PZP: variants seen among roughly 807,000 people sequenced by gnomAD.
The protein encoded by PZP is PZP alpha-2-macroglobulin like.
In PZP, 150 loss-of-function variants were observed where a neutral mutation model predicts 179.8. The ratio of observed to expected loss-of-function variants is 0.83; its 90% CI spans 0.73 to 0.96. The LOEUF (loss-of-function observed/expected upper bound fraction) is 0.96, where lower values mean the gene tolerates loss of function less well. Ranked by LOEUF, PZP falls within the 40% of genes least tolerant of loss-of-function variation. The pLI is 0.00. For missense variants in PZP, 1,689 were observed against 1,764.0 expected, an observed-to-expected ratio of 0.96 and a Z score of 0.76; for synonymous variants, 624 against 652.3, an observed-to-expected ratio of 0.96 and a Z score of 0.66.
chr12:9,149,608 A>C lies in PZP; in HGVS notation c.4385-6T>G. On this transcript the variant is annotated splice_polypyrimidine_tract_variant and splice_region_variant and intron_variant, in intron 34 of 35. Transcript: ENST00000261336. The stretch of plus-strand genomic sequence containing the variant: ...CTCAGCAACCACAGACTCATCTGAA[A>C]GATAACGTTGGGTGAAGGAAGAAAC... 1 of 1,612,814 alleles carries C rather than the reference A, an allele frequency of 6.2e-7. No individual in the cohort carries two copies. The highest frequency in any genetic ancestry group is 1.7e-5 in the Admixed American group (1 of 59,928).
chr12:9,201,207 G>T, intron 5 of PZP, 120 bp downstream of exon 5: 1 of 1,324,848 alleles, frequency 7.5e-7, no homozygotes, highest in Non-Finnish European at 1.1e-6. Context: ...TGACAACTGG[G>T]AGTAGGAGGA....
At chr12:9,165,708 C>A (rs1369761770) in intron 18 of PZP, among the ~76,000 whole-genome samples, 1 of 152,316 alleles carries the variant, frequency 6.6e-6, no homozygotes, top group South Asian at 2.1e-4. Context: ...AACAATTAGA[C>A]CACTGGATTA....
Position 9,164,397 on chromosome 12 carries a change from G to C in PZP, c.2488-138C>G, listed in dbSNP as rs1389541308. On this transcript the variant is annotated intron_variant, in intron 19 of 35. Coordinates refer to ENST00000261336, the MANE Select transcript of PZP (RefSeq NM_002864.3). ...ATGTATGTCACATAGATTCATCCATGCTTTAAGAAGCATGGCAATGGCAAT... is the reference window on the plus strand; with the variant it reads ...ATGTATGTCACATAGATTCATCCATCCTTTAAGAAGCATGGCAATGGCAAT... 3 of 915,694 alleles carry C rather than the reference G, an allele frequency of 3.3e-6. No individual in the cohort carries two copies. The Admixed American group carries it at 8.2e-5, about 25-fold the overall frequency. The allele number at this position is 915,694 out of a possible 1,614,324, so 56.7% of individuals were successfully genotyped here. A position where few individuals can be genotyped will look rare whatever the true frequency, so the allele number is the denominator to read the frequency against.
chr12:9,167,983 C>T (rs1320481469), intron 17 of PZP, among the ~76,000 whole-genome samples: 1 of 152,136 alleles, frequency 6.6e-6, no homozygotes, highest in Non-Finnish European at 1.5e-5. Context: ...TGAAGGTATA[C>T]TTAAACAGTC....
At chr12:9,167,144 G>A (rs1292841453) in intron 17 of PZP, 3 of 152,064 alleles carry the variant, frequency 2.0e-5, no homozygotes, top group Non-Finnish European at 4.4e-5. Context: ...TGTCTTCTCT[G>A]TCTTCACTCT....
chr12:9,141,615 T>C, the PZP span, among the ~76,000 whole-genome samples: 4 of 152,252 alleles, frequency 2.6e-5, no homozygotes, highest in African/African-American at 4.8e-5. Context: ...GCTTAAACCT[T>C]CATTTTTATT....
chr12:9,182,893 A>G (rs2120985430), intron 13 of PZP, among the ~76,000 whole-genome samples: 1 of 152,292 alleles, frequency 6.6e-6, no homozygotes, highest in South Asian at 2.1e-4. Context: ...ACTCTCTGGT[A>G]TTATTTCCAT....
intron 10 of PZP, among the ~76,000 whole-genome samples, chr12:9,194,723 G>C (rs749200182): frequency 2.9e-4 from 44 of 152,114 alleles, no homozygotes; most frequent in African/African-American, 7.0e-4. Context: ...CTCGGCCTCC[G>C]AAAGTGCTGG....
At chr12:9,182,679 C>T (rs1167564403) in intron 13 of PZP, among the ~76,000 whole-genome samples, 1 of 152,188 alleles carries the variant, frequency 6.6e-6, no homozygotes, top group Non-Finnish European at 1.5e-5. Flanking sequence ...CCAGATAACA[C>T]TTCAGAAAAT....
chr12:9,200,122 A>T (rs1203512050), intron 7 of PZP, among the ~76,000 whole-genome samples: 1 of 152,214 alleles, frequency 6.6e-6, no homozygotes, highest in Non-Finnish European at 1.5e-5. Context: ...TTATCCTAAG[A>T]TGTTAAAGCA....
At chr12:9,186,943 C>T (rs1592528484) in intron 13 of PZP, among the ~76,000 whole-genome samples, 1 of 151,570 alleles carries the variant, frequency 6.6e-6, no homozygotes, top group African/African-American at 2.4e-5. Flanking sequence ...GGCACATGTA[C>T]ACCTATGTAA....
intron 6 of PZP, among the ~76,000 whole-genome samples, chr12:9,200,667 GT>G (rs1298898163): frequency 6.6e-6 from 1 of 152,142 alleles, no homozygotes; most frequent in African/African-American, 2.4e-5. Flanking sequence ...AATGATGGTG[GT>G]TTCACTGAAA....
At chr12:9,164,772 T>G (rs1941467707) in intron 19 of PZP, among the ~76,000 whole-genome samples, 1 of 152,180 alleles carries the variant, frequency 6.6e-6, no homozygotes, top group South Asian at 2.1e-4. Flanking sequence ...AAATTAAAAT[T>G]ATATATTTTG....
intron 13 of PZP, among the ~76,000 whole-genome samples, chr12:9,182,383 T>C (rs1942825317): frequency 1.3e-5 from 2 of 151,158 alleles, no homozygotes; most frequent in Admixed American, 1.3e-4. Flanking sequence ...AACTGTTGCC[T>C]AAATCAATTA....
Position 9,181,007 on chromosome 12 carries a change from A to G in PZP, c.1815T>C (p.Pro605=). The G allele has an allele frequency of 3.7e-6, 6 of 1,613,866 alleles. No individual in the cohort carries two copies. Among genetic ancestry groups the G allele is most frequent in the Non-Finnish European group, 5.1e-6 (6 of 1,179,880 alleles). Residue 605 remains proline (P), a synonymous_variant, in exon 15 of 36, where the codon CCT becomes CCC. Transcript: ENST00000261336. Reference sequence around the variant, plus strand: ...CTGAGGACACAGAGAGCTCAGCCTCAGGCTTCATGAGCAGCACACTTTGGT... The same window carrying G: ...CTGAGGACACAGAGAGCTCAGCCTCGGGCTTCATGAGCAGCACACTTTGGT... The part of the protein sequence containing the change: ...AVDQSVLLMK[P]EAELSVSSVY...
chr12:9,196,417 C>T lies in PZP; in HGVS notation c.1005G>A (p.Arg335=). The T allele has an allele frequency of 2.5e-6, 4 of 1,612,910 alleles. No individual in the cohort carries two copies. The highest frequency in any genetic ancestry group is 2.5e-6 in the Non-Finnish European group (3 of 1,178,974). ...EGTDLEVTAN[R]ISEITNIVSK... is the part of the protein sequence containing the mutation. ...ATACAATGTTTGTGATTTCACTGAT[C>T]CTGTTTGCAGTGACTTCCAGGTCTG... The change falls in exon 10 of 36, where the codon AGG becomes AGA. Residue 335 remains arginine, a synonymous_variant. Coordinates refer to ENST00000261336, the MANE Select transcript of PZP (RefSeq NM_002864.3).
At chr12:9,186,603 C>A (rs11049321) in intron 13 of PZP, among the ~76,000 whole-genome samples, 85,122 of 151,536 alleles carry the variant, frequency 0.56, 23,902 homozygotes, top group Admixed American at 0.64. Flanking sequence ...GGGGTTGCCA[C>A]ATGCCCATCA....
intron 22 of PZP, among the ~76,000 whole-genome samples, chr12:9,161,789 ACTT>A (rs1028145958): frequency 2.6e-5 from 4 of 152,208 alleles, no homozygotes; most frequent in African/African-American, 9.7e-5. Context: ...AGCTACAACT[ACTT>A]CTTAATGATA....
At position 9,150,702 on chromosome 12, in the gene PZP, G is replaced by A. The variant is rs768886158; in HGVS notation, c.4326C>T (p.Asp1442=). 1 of 1,613,124 alleles carries A rather than the reference G, an allele frequency of 6.2e-7. No homozygotes were observed. Among genetic ancestry groups the A allele is most frequent in the South Asian group, 1.1e-5 (1 of 90,974 alleles). The part of the protein sequence containing the change: ...TLSFSFMVLQ[D]IPVGDLKPAI... ...CTGGCTTCAAGTCTCCTACTGGGAT[G>A]TCTTGCAGAACCATGAAGGAAAAAC... is the stretch of plus-strand genomic sequence containing the variant. Residue 1442 remains aspartate, a synonymous_variant, in exon 34 of 36, where the codon GAC becomes GAT. Transcript: ENST00000261336.
Sources: gnomAD v4.1 joint callset for allele counts (sites outside exome capture counted in the v4.1 genomes callset) on GRCh38, gnomAD v4.1.1 for gene constraint, MANE v1.5 for transcripts, NCBI Gene and HGNC (gene_info 2026-07-23, HGNC 2026-07-21) for gene names.